Variants in HECTD4 observed in about 807,000 individuals in gnomAD.
HECTD4 encodes the protein HECT domain E3 ubiquitin protein ligase 4.
In HECTD4, 114 loss-of-function variants were observed where a neutral mutation model predicts 471.5. The ratio of observed to expected loss-of-function variants is 0.24; its 90% CI spans 0.21 to 0.28. The LOEUF is 0.28. Ranked by LOEUF, HECTD4 falls within the 10% of genes least tolerant of loss-of-function variation. The probability of loss-of-function intolerance (pLI) is 1.00; values close to 1 mark genes in which losing one functional copy is unlikely to be tolerated. For synonymous variants in HECTD4, 2,012 were observed against 2,256.0 expected (o/e 0.89, Z 3.07); for missense variants, 3,866 against 5,651.5 (o/e 0.68, Z 10.13).
At chr12:112,358,856 C>A (rs1360837211) in intron 1 of HECTD4, among the ~76,000 whole-genome samples, 1 of 152,110 alleles carries the variant, frequency 6.6e-6, no homozygotes, top group Admixed American at 6.6e-5. Flanking sequence ...TTACTCTCAA[C>A]AAACACACAT....
intron 44 of HECTD4, 94 bp from the exon 45 acceptor site, chr12:112,219,583 C>T (rs987087025): frequency 4.9e-6 from 4 of 813,788 alleles, no homozygotes. Flanking sequence ...CAATAAAATG[C>T]ACTTATAGAG....
intron 15 of HECTD4, 103 bp downstream of exon 15, chr12:112,265,775 C>A (rs369700943): frequency 4.1e-5 from 32 of 785,646 alleles, no homozygotes; most frequent in Non-Finnish European, 6.0e-5. Context: ...TGCTAACGAT[C>A]GTATTAGTTA....
chr12:112,265,832 G>T (rs144628521), intron 15 of HECTD4, 46 bp downstream of exon 15: 10 of 1,388,378 alleles, frequency 7.2e-6, no homozygotes, highest in Middle Eastern at 1.8e-4. Flanking sequence ...GTAAACTAAC[G>T]ACTGAGAACA....
rs2034584759 is a variant in HECTD4 at position 112,279,117 on chromosome 12, C to T, written c.1687+111G>A. Reference sequence around the variant, plus strand: ...ATTGGTATTTTTTGTTATCAGAGAGCTATTGCAAACAACTATTTAACAAAG... The same window carrying T: ...ATTGGTATTTTTTGTTATCAGAGAGTTATTGCAAACAACTATTTAACAAAG... On this transcript the variant is annotated intron_variant, in intron 9 of 75. Transcript: ENST00000682272. The T allele has an allele frequency of 1.2e-5, 10 of 838,050 alleles. No homozygotes were observed. The South Asian group carries it at 1.7e-4, about 14-fold the overall frequency. 51.9% of individuals were successfully genotyped at this position (838,050 alleles called of 1,614,324 possible).
At chr12:112,279,936 G>A (rs1310121607) in intron 8 of HECTD4, among the ~76,000 whole-genome samples, 1 of 152,138 alleles carries the variant, frequency 6.6e-6, no homozygotes, top group Non-Finnish European at 1.5e-5. Context: ...CATTACATCT[G>A]AGATTAGTGA....
chr12:112,303,666 A>G (rs770457517), intron 7 of HECTD4, among the ~76,000 whole-genome samples: 1 of 152,014 alleles, frequency 6.6e-6, no homozygotes, highest in African/African-American at 2.4e-5. Flanking sequence ...CCCAAGCAAC[A>G]TGGTGAAACC....
intron 54 of HECTD4, among the ~76,000 whole-genome samples, chr12:112,202,137 C>T (rs1415642397): frequency 1.3e-5 from 2 of 152,012 alleles, no homozygotes; most frequent in East Asian, 3.9e-4. Context: ...TCAGTGACCA[C>T]CAGTCAATAG....
chr12:112,340,210 G>GACTA (rs2036031378), intron 1 of HECTD4, among the ~76,000 whole-genome samples: 1 of 152,206 alleles, frequency 6.6e-6, no homozygotes, highest in Non-Finnish European at 1.5e-5. Flanking sequence ...CTGGAAAGCA[G>GACTA]ACTAAGATCA....
intron 1 of HECTD4, among the ~76,000 whole-genome samples, chr12:112,357,977 C>G (rs558189673): frequency 6.6e-6 from 1 of 152,194 alleles, no homozygotes; most frequent in South Asian, 2.1e-4. Context: ...CCGAGGCAGG[C>G]GGATCACTTG....
intron 1 of HECTD4, among the ~76,000 whole-genome samples, chr12:112,340,079 T>TAA (rs1197180321): frequency 2.6e-5 from 4 of 152,072 alleles, no homozygotes; most frequent in Non-Finnish European, 5.9e-5. Context: ...ACTTTCAACT[T>TAA]ACAGTATTTT....
intron 38 of HECTD4, 24 bp from the exon 39 acceptor site, chr12:112,231,739 A>G: frequency 2.5e-6 from 4 of 1,587,784 alleles, no homozygotes; most frequent in South Asian, 1.1e-5. Context: ...GAAGACGCTG[A>G]GAAGATTCAT....
chr12:112,236,395 C>A (rs985610597), intron 35 of HECTD4, among the ~76,000 whole-genome samples: 9 of 152,226 alleles, frequency 5.9e-5, no homozygotes, highest in Non-Finnish European at 1.0e-4. Context: ...TACCTCAAGA[C>A]CAAAGCTATC....
chr12:112,334,973 T>C (rs2035920714), intron 1 of HECTD4, among the ~76,000 whole-genome samples: 1 of 152,092 alleles, frequency 6.6e-6, no homozygotes. Flanking sequence ...AAAGTAGAAT[T>C]ACCATTTGAT....
At position 112,235,815 on chromosome 12, in the gene HECTD4, G is replaced by A. The variant is rs1455571351; in HGVS notation, c.5445-31C>T. ...AAAAAAGGAAGAAAAGGTACACAGT[G>A]CTAGAAATGTTGATCTATAGACATT... On this transcript the variant is annotated intron_variant, in intron 35 of 75. Coordinates refer to ENST00000682272, the MANE Select transcript of HECTD4 (RefSeq NM_001388303.1). The surrounding 1 kb of genome is among the most constrained non-coding windows in gnomAD (Gnocchi z 5.0). 1.7e-5 allele frequency: 27 copies of A among 1,570,054 alleles called. No individual in the cohort carries two copies. Among genetic ancestry groups the A allele is most frequent in the Non-Finnish European group, 2.2e-5 (25 of 1,156,534 alleles).
intron 54 of HECTD4, chr12:112,202,957 T>C (rs1167227502): frequency 1.3e-5 from 2 of 152,198 alleles, no homozygotes; most frequent in Non-Finnish European, 2.9e-5. Flanking sequence ...TTTTTCTTTT[T>C]TTTTTCCTTT....
Position 112,192,964 on chromosome 12 carries a change from G to C in HECTD4, c.9086+97C>G, listed in dbSNP as rs914297354. 3.5e-6 allele frequency: 5 copies of C among 1,446,312 alleles called. No homozygotes were observed. In the South Asian group the frequency reaches 3.7e-5, roughly 11 times the overall value. 89.6% of individuals were successfully genotyped at this position (1,446,312 alleles called of 1,614,324 possible). On this transcript the variant is annotated intron_variant, in intron 58 of 75. Transcript: ENST00000682272. ...AGAATTGTAAGTCATTTGCATTAAA[G>C]AATCAGTGATTTGAATTTTTTTCCT... is the stretch of plus-strand genomic sequence containing the variant.
At chr12:112,365,231 C>G (rs565313702) in intron 1 of HECTD4, among the ~76,000 whole-genome samples, 1 of 151,974 alleles carries the variant, frequency 6.6e-6, no homozygotes, top group African/African-American at 2.4e-5. Flanking sequence ...ATATACAAAT[C>G]ATCATTTCAA....
intron 1 of HECTD4, among the ~76,000 whole-genome samples, chr12:112,324,036 T>TG (rs2035673241): frequency 1.8e-5 from 1 of 54,790 alleles, no homozygotes; most frequent in Non-Finnish European, 2.9e-5. Context: ...CTTCCTTCCT[T>TG]CCTTCCTTCC....
intron 7 of HECTD4, among the ~76,000 whole-genome samples, chr12:112,296,448 A>G (rs1316413269): frequency 6.0e-4 from 72 of 120,916 alleles, no homozygotes; most frequent in East Asian, 2.4e-3. Flanking sequence ...GTGGATGTAG[A>G]TGCAGATGGT....
Sources: allele counts gnomAD v4.1 joint callset (sites outside exome capture counted in the v4.1 genomes callset), GRCh38; gene constraint gnomAD v4.1.1; non-coding constraint Gnocchi (gnomAD v3.1); transcripts MANE v1.5; gene names NCBI Gene and HGNC (gene_info 2026-07-23, HGNC 2026-07-21).